ZSCAN4: variants seen among roughly 807,000 people sequenced by gnomAD.
ZSCAN4 encodes zinc finger and SCAN domain-containing protein 4.
Under a neutral mutation model 18.3 loss-of-function variants are expected in ZSCAN4, and 18 were observed. The observed-to-expected ratio is 0.98, with a 90% confidence interval of 0.68 to 1.46. ZSCAN4 has a LOEUF of 1.46. Ranked by LOEUF, ZSCAN4 falls within the 40% of genes most tolerant of loss-of-function variation. The pLI is 0.00. For synonymous variants in ZSCAN4, 193 were observed against 180.3 expected (o/e 1.07, Z -0.57); for missense variants, 498 against 511.4 (o/e 0.97, Z 0.25).
chr19:57,678,091 G>A lies in ZSCAN4; in HGVS notation c.562+12G>A. ...AGAAACAGGACAAGGTAAGTCAGGTGAATCTGCACAACTGAGGAGTGTTCT... is the reference window on the plus strand; with the variant it reads ...AGAAACAGGACAAGGTAAGTCAGGTAAATCTGCACAACTGAGGAGTGTTCT... On this transcript the variant is annotated intron_variant, in intron 4 of 4. Transcript: ENST00000318203. 6.3e-7 allele frequency: 1 copy of A among 1,582,522 alleles called. No homozygotes were observed. Among genetic ancestry groups the A allele is most frequent in the South Asian group, 1.2e-5 (1 of 84,678 alleles).
chr19:57,671,068 C>T (rs1984007562), intron 2 of ZSCAN4, among the ~76,000 whole-genome samples: 1 of 152,018 alleles, frequency 6.6e-6, no homozygotes, highest in East Asian at 1.9e-4. Flanking sequence ...TGCCATGTTG[C>T]CCAGTGTGGT....
the ZSCAN4 span, among the ~76,000 whole-genome samples, chr19:57,657,304 A>T: frequency 3.9e-4 from 60 of 152,288 alleles, no homozygotes; most frequent in African/African-American, 1.4e-3. Flanking sequence ...AAAAAAAAAA[A>T]AAAGGCAAAA....
chr19:57,677,865 C>T, intron 3 of ZSCAN4, 49 bp from the exon 4 acceptor site: 3 of 1,476,080 alleles, frequency 2.0e-6, no homozygotes, highest in Non-Finnish European at 2.7e-6. Flanking sequence ...AAAAAGTCTT[C>T]TGTTACACAA....
chr19:57,673,942 C>T (rs1347389912), intron 2 of ZSCAN4, among the ~76,000 whole-genome samples: 2 of 152,020 alleles, frequency 1.3e-5, no homozygotes, highest in Non-Finnish European at 2.9e-5. Context: ...TTAGTAGAGA[C>T]GGGGTTTCGC....
At position 57,669,752 on chromosome 19, in the gene ZSCAN4, G is replaced by T. The variant is rs117447079; in HGVS notation, c.-428-493G>T. On this transcript the variant is annotated intron_variant, in intron 1 of 4. Transcript: ENST00000318203. ...TGTTTTGTTTTTTTTTTAGAGACTT[G>T]GTCTCCTTCCATTTCCCAGGCCAGA... Among the ~76,000 whole-genome samples the T allele has an allele frequency of 7.6e-3, 1,144 of 150,866 alleles. 38 individuals are homozygous for T. The highest frequency in any genetic ancestry group is 0.052 in the Admixed American group (781 of 15,090).
chr19:57,652,514 G>A, the ZSCAN4 span, among the ~76,000 whole-genome samples: 1 of 151,864 alleles, frequency 6.6e-6, no homozygotes, highest in African/African-American at 2.4e-5. Flanking sequence ...TTCCTCCTCC[G>A]ATTTTGACCC....
the ZSCAN4 span, among the ~76,000 whole-genome samples, chr19:57,661,034 C>T: frequency 2.6e-5 from 4 of 152,208 alleles, no homozygotes; most frequent in Admixed American, 1.3e-4. Flanking sequence ...ACTATGTCTA[C>T]TGACCTACAT....
chr19:57,656,409 A>G, the ZSCAN4 span, among the ~76,000 whole-genome samples: 8 of 152,276 alleles, frequency 5.3e-5, no homozygotes, highest in Admixed American at 2.6e-4. Context: ...AGAACTCTCT[A>G]TTCCCTCCCA....
chr19:57,667,226 C>A (rs187461553), upstream of ZSCAN4, among the ~76,000 whole-genome samples: 1 of 152,280 alleles, frequency 6.6e-6, no homozygotes, highest in African/African-American at 2.4e-5. Flanking sequence ...ATCACCAGGT[C>A]ATTTCCTCCA....
chr19:57,676,531 C>T (rs745923500), exon 3 of ZSCAN4: 2 of 1,612,834 alleles, frequency 1.2e-6, no homozygotes, highest in East Asian at 2.2e-5. Context: ...AGCATAAATC[C>T]ACCTGCCTTA....
At chr19:57,673,749 G>GATGATT (rs1440835423) in intron 2 of ZSCAN4, among the ~76,000 whole-genome samples, 2 of 151,436 alleles carry the variant, frequency 1.3e-5, no homozygotes, top group East Asian at 3.9e-4. Context: ...TGATGATGAT[G>GATGATT]ATTATTATTA....
intron 2 of ZSCAN4, among the ~76,000 whole-genome samples, chr19:57,672,604 CTTT>C (rs71188041): frequency 2.2e-3 from 301 of 137,264 alleles, no homozygotes; most frequent in African/African-American, 7.2e-3. Flanking sequence ...ACATAGTTAT[CTTT>C]TTTTTTTTTT....
At chr19:57,676,214 A>G (rs780828870) in exon 3 of ZSCAN4, 23 of 1,614,178 alleles carry the variant, frequency 1.4e-5, no homozygotes, top group Non-Finnish European at 1.9e-5. Context: ...CAGAAAATTC[A>G]GCGTTTCAAC....
intron 2 of ZSCAN4, among the ~76,000 whole-genome samples, chr19:57,674,709 A>C (rs1984124328): frequency 6.6e-6 from 1 of 152,196 alleles, no homozygotes; most frequent in East Asian, 1.9e-4. Context: ...TGATGGTTCT[A>C]TTTTTAGTTC....
the ZSCAN4 span, among the ~76,000 whole-genome samples, chr19:57,653,880 G>A: frequency 8.7e-4 from 132 of 152,284 alleles, 1 homozygote; most frequent in African/African-American, 3.0e-3. Flanking sequence ...TCAGCAAGAC[G>A]CTTCATCCTG....
At chr19:57,678,955 C>T in exon 5 of ZSCAN4, 2 of 1,502,872 alleles carry the variant, frequency 1.3e-6, no homozygotes, top group Non-Finnish European at 1.8e-6. Context: ...ATGTATATTC[C>T]TATAGTATTT....
the ZSCAN4 span, among the ~76,000 whole-genome samples, chr19:57,655,786 C>G: frequency 6.6e-6 from 1 of 151,932 alleles, no homozygotes; most frequent in Non-Finnish European, 1.5e-5. Context: ...TTTTTAGATT[C>G]CCTTTCCTTC....
exon 2 of ZSCAN4, chr19:57,670,559 A>T (rs1983987899): frequency 6.6e-6 from 1 of 152,228 alleles, no homozygotes; most frequent in Non-Finnish European, 1.5e-5. Context: ...TACCCAGTCA[A>T]CCAAGGAGGT....
the ZSCAN4 span, among the ~76,000 whole-genome samples, chr19:57,658,636 C>G: frequency 1.3e-5 from 2 of 151,944 alleles, no homozygotes; most frequent in Non-Finnish European, 2.9e-5. Context: ...GAGTTCAAGA[C>G]TAGCTTGGCC....
Sources: gnomAD v4.1 joint callset for allele counts (sites outside exome capture counted in the v4.1 genomes callset) on GRCh38, gnomAD v4.1.1 for gene constraint, MANE v1.5 for transcripts, NCBI Gene and HGNC (gene_info 2026-07-23, HGNC 2026-07-21) for gene names.